The following MICAL1 variants were observed in gnomAD, a reference collection of about 807,000 sequenced individuals.
MICAL1 encodes the protein microtubule associated monooxygenase, calponin and LIM domain containing 1, also known as [F-actin]-monooxygenase MICAL1.
A neutral mutation model predicts 131.8 loss-of-function variants in MICAL1; 95 were observed. That is an observed-to-expected ratio of 0.72 (90% CI 0.61 to 0.86). The LOEUF (loss-of-function observed/expected upper bound fraction) is 0.86, where lower values mean the gene tolerates loss of function less well. Among genes scored for constraint, MICAL1 ranks in the 40% least tolerant of loss-of-function variants. The probability of loss-of-function intolerance (pLI) is 0.00; values close to 1 mark genes in which losing one functional copy is unlikely to be tolerated. For missense variants in MICAL1, 1,292 were observed against 1,380.6 expected, an observed-to-expected ratio of 0.94 and a Z score of 1.02; for synonymous variants, 546 against 554.2, an observed-to-expected ratio of 0.99 and a Z score of 0.21.
Position 109,445,405 on chromosome 6 carries a change from C to T in MICAL1, c.2787+11G>A. The T allele has an allele frequency of 6.2e-7, 1 of 1,613,940 alleles. No homozygotes were observed. Among genetic ancestry groups the T allele is most frequent in the South Asian group, 1.1e-5 (1 of 91,080 alleles). On this transcript the variant is annotated intron_variant, in intron 21 of 24. Transcript: ENST00000358807. ...GACCCCATCAGAATTTTGGGAACCCCCGGGCTTCACCTGGGCCTTGCAGAA... is the reference window on the plus strand; with the variant it reads ...GACCCCATCAGAATTTTGGGAACCCTCGGGCTTCACCTGGGCCTTGCAGAA...
In MICAL1 at chr6:109,451,620, G is replaced by A. The variant is rs372323289; in HGVS notation, c.913C>T (p.Arg305Trp). Residue 305 changes from arginine (R) to tryptophan (W), a missense_variant, in exon 7 of 25, where the codon CGG (arginine) becomes TGG (tryptophan). Arg to Trp is a moderately radical substitution (Grantham distance 101). Coordinates refer to ENST00000358807, the MANE Select transcript of MICAL1 (RefSeq NM_022765.4). ...CTCACCTGGCGCAGCACCCCCAGCC[G>A]CAGCAGGCACTGCTTCTTGGCTGTC... ...VMTAKKQCLL[R>W]LGVLRQDWPD... 29 of 1,613,842 alleles carry A rather than the reference G, an allele frequency of 1.8e-5. No homozygotes were observed. Among genetic ancestry groups the A allele is most frequent in the African/African-American group, 1.2e-4 (9 of 74,936 alleles).
At chr6:109,460,523 T>TACATACAC (rs1775859240), upstream of MICAL1, among the ~76,000 whole-genome samples, 3 of 147,678 alleles carry the variant, frequency 2.0e-5, no homozygotes, top group Non-Finnish European at 4.5e-5. Flanking sequence ...TATATATAAA[T>TACATACAC]ACACACACAC....
intron 12 of MICAL1, 139 bp from the exon 13 acceptor site, chr6:109,448,532 T>C (rs1775352375): frequency 8.8e-6 from 11 of 1,256,280 alleles, no homozygotes; most frequent in Non-Finnish European, 1.2e-5. Flanking sequence ...TAGTCTCTGC[T>C]ACCCAGTGCC....
chr6:109,447,289 C>T (rs565608844), intron 16 of MICAL1, 60 bp from the exon 17 acceptor site: 25 of 1,613,838 alleles, frequency 1.5e-5, no homozygotes, highest in Non-Finnish European at 2.1e-5. Context: ...AAAGTTCTTT[C>T]CCTCCCATGA....
At chr6:109,449,218 C>G (rs1208130092) in intron 11 of MICAL1, 182 bp downstream of exon 11, 37 of 743,330 alleles carry the variant, frequency 5.0e-5, no homozygotes, top group Non-Finnish European at 7.6e-5. Context: ...TGGCAGCCAA[C>G]TGCTGCCTGT....
exon 1 of MICAL1, chr6:109,465,898 T>C (rs1047223806): frequency 1.2e-6 from 2 of 1,613,882 alleles, no homozygotes; most frequent in Non-Finnish European, 1.7e-6. Flanking sequence ...ACGTGGTGAG[T>C]GGGTGGTGGC....
chr6:109,449,294 C>T (rs577799866), intron 11 of MICAL1, 106 bp downstream of exon 11: 55 of 1,239,070 alleles, frequency 4.4e-5, no homozygotes, highest in Admixed American at 8.6e-5. Flanking sequence ...ATGAGTGCTC[C>T]GGCACGCTGC....
Position 109,445,542 on chromosome 6 carries a change from C to A in MICAL1, c.2674-13G>T. ...AGGTCTGCAGGGCCTATAGGAGGGT[C>A]AGGCCAGTCAGGGATAGGGCCTGGG... On this transcript the variant is annotated splice_polypyrimidine_tract_variant and intron_variant, in intron 20 of 24. Transcript: ENST00000358807. 1 of 1,613,582 alleles carries A rather than the reference C, an allele frequency of 6.2e-7. No individual in the cohort carries two copies. The highest frequency in any genetic ancestry group is 1.1e-5 in the South Asian group (1 of 91,020).
At position 109,448,304 on chromosome 6, in the gene MICAL1, A is replaced by G. The variant is rs1775340934; in HGVS notation, c.1754T>C (p.Val585Ala). Reference sequence around the variant, plus strand: ...TGCTACCACGGCCTGTGCAGACACCACCGGTGTGATGCCCAGCTCATTCTC... The same window carrying G: ...TGCTACCACGGCCTGTGCAGACACCGCCGGTGTGATGCCCAGCTCATTCTC... ...VAENELGITP[V>A]VSAQAVVAGS... The change falls in exon 13 of 25, where the codon GTG becomes GCG. Residue 585 changes from valine (V) to alanine (A), a missense_variant. Coordinates refer to ENST00000358807, the MANE Select transcript of MICAL1 (RefSeq NM_022765.4). 1 of 1,613,846 alleles carries G rather than the reference A, an allele frequency of 6.2e-7. No individual in the cohort carries two copies. The highest frequency in any genetic ancestry group is 1.7e-5 in the Admixed American group (1 of 60,004).
rs1270638408 is a variant in MICAL1 at position 109,450,525 on chromosome 6, A to T, written c.966T>A (p.Ser322Arg). The T allele has an allele frequency of 1.2e-6, 2 of 1,611,584 alleles. No individual in the cohort carries two copies. Among genetic ancestry groups the T allele is most frequent in the African/African-American group, 1.3e-5 (1 of 75,034 alleles). Reference protein sequence around the residue: ...DWPDTNRLLGSANVVPEALQR... With the variant: ...DWPDTNRLLGRANVVPEALQR... ...GCAGAGCCTCGGGCACCACATTGGC[A>T]CTGCCCAGCAGCCGATTGGTGTCTG... The change falls in exon 8 of 25, where the codon AGT becomes AGA. Residue 322 changes from serine to arginine, a missense_variant. Transcript: ENST00000358807.
chr6:109,450,410 C>T lies in MICAL1; in HGVS notation c.1081G>A (p.Val361Ile). The change falls in exon 8 of 25, where the codon GTC (valine) becomes ATC (isoleucine). Residue 361 changes from valine to isoleucine, a missense_variant. Physicochemically the swap from Val to Ile is conservative, Grantham distance 29. Transcript: ENST00000358807. ...ATGCTCGTGAAGTCAAAGGCAGAGA[C>T]ATCAGGCTGCCCATGGGCATCCTGG... ...FAQDAHGQPD[V>I]SAFDFTSMMR... The T allele has an allele frequency of 6.2e-7, 1 of 1,613,592 alleles. No individual in the cohort carries two copies.
chr6:109,462,882 C>T (rs572792955), intron 1 of MICAL1: 1 of 152,342 alleles, frequency 6.6e-6, no homozygotes, highest in East Asian at 1.9e-4. Context: ...AAATGGTACA[C>T]ATTTAGTAGA....
In MICAL1 at chr6:109,455,720, G is replaced by A. The variant is rs1045026939; in HGVS notation, c.-45C>T. On this transcript the variant is annotated splice_region_variant and 5_prime_UTR_variant, in exon 1 of 25. Coordinates refer to ENST00000358807, the MANE Select transcript of MICAL1 (RefSeq NM_022765.4). The surrounding 1 kb of genome is among the most constrained non-coding windows in gnomAD (Gnocchi z 4.7). ...AGCCGGCTCCGCTGGACGACTTACCGGCGGCTCCGAAGCCGGGAGGGGCCG... is the reference window on the plus strand; with the variant it reads ...AGCCGGCTCCGCTGGACGACTTACCAGCGGCTCCGAAGCCGGGAGGGGCCG... 10 of 983,874 alleles carry A rather than the reference G, an allele frequency of 1.0e-5. No individual in the cohort carries two copies. Among genetic ancestry groups the A allele is most frequent in the African/African-American group, 3.5e-5 (2 of 56,462 alleles). The allele number at this position is 983,874 out of a possible 1,614,324, so 60.9% of individuals were successfully genotyped here.
chr6:109,455,451 C>T lies in MICAL1; in HGVS notation c.-44+268G>A, dbSNP rs1156866740. ...GAAAGGGGAGAAAGGAGCGACCCAG[C>T]CTGGAAACGCCAGGACAAAGGCTGT... On this transcript the variant is annotated intron_variant, in intron 1 of 24. Transcript: ENST00000358807. This position sits in a 1 kb window ranked among gnomAD's most constrained non-coding sequence, Gnocchi z 4.7. 2.4e-4 allele frequency among the ~76,000 whole-genome samples: 36 copies of T among 152,266 alleles called. No homozygotes were observed. The highest frequency in any genetic ancestry group is 1.5e-5 in the Non-Finnish European group (1 of 68,018).
Position 109,454,114 on chromosome 6 carries a change from C to T in MICAL1, c.83G>A (p.Ser28Asn), listed in dbSNP as rs941567539. 6.2e-7 allele frequency: 1 copy of T among 1,613,756 alleles called. No individual in the cohort carries two copies. The highest frequency in any genetic ancestry group is 1.3e-5 in the African/African-American group (1 of 75,062). ...LQAQLCQDVLSSFQELCGALG... is the reference protein window; with the variant it reads ...LQAQLCQDVLNSFQELCGALG... ...GGCCCCACACAGCTCCTGGAAGCTG[C>T]TCAGCACGTCCTGGCACAGCTGGGC... The change falls in exon 2 of 25, where the codon AGC becomes AAC. Residue 28 changes from serine (S) to asparagine (N), a missense_variant. Transcript: ENST00000358807.
chr6:109,453,223 T>C (rs776536531), intron 4 of MICAL1, 40 bp downstream of exon 4: 2 of 1,527,754 alleles, frequency 1.3e-6, no homozygotes, highest in East Asian at 2.3e-5. Context: ...AAGTTCTTGA[T>C]GGGGGAGGGG....
In MICAL1 at chr6:109,454,257, G is replaced by A. The variant is rs1562294224; in HGVS notation, c.-43-18C>T. On this transcript the variant is annotated intron_variant, in intron 1 of 24. Coordinates refer to ENST00000358807, the MANE Select transcript of MICAL1 (RefSeq NM_022765.4). ...ATGAGTGGCTGGAGAGGTGGAAAAA[G>A]AAGGGGAAGAGGCTGGAGAACAGAA... The A allele has an allele frequency of 1.3e-6, 2 of 1,537,524 alleles. No individual in the cohort carries two copies.
chr6:109,455,823 G>C, upstream of MICAL1: 2 of 985,526 alleles, frequency 2.0e-6, no homozygotes, highest in Non-Finnish European at 2.4e-6. This position sits in a 1 kb window ranked among gnomAD's most constrained non-coding sequence, Gnocchi z 4.7. Context: ...GCCGAGATCG[G>C]GCGGGGATGC....
Position 109,450,359 on chromosome 6 carries a change from C to A in MICAL1, c.1132G>T (p.Val378Leu), listed in dbSNP as rs528182540. ...AGGCGGGCGCCATGCTTCTCTTGCACACGAGCAGAACTCTCTGCCCGCATC... is the reference window on the plus strand; with the variant it reads ...AGGCGGGCGCCATGCTTCTCTTGCAAACGAGCAGAACTCTCTGCCCGCATC... Reference protein sequence around the residue: ...SMMRAESSARVQEKHGARLLL... With the variant: ...SMMRAESSARLQEKHGARLLL... Residue 378 changes from valine to leucine, a missense_variant, in exon 8 of 25, where the codon GTG (valine) becomes TTG (leucine). By Grantham distance (32) the Val-to-Leu change is conservative (BLOSUM62 1). Transcript: ENST00000358807. 1 of 1,611,818 alleles carries A rather than the reference C, an allele frequency of 6.2e-7. No individual in the cohort carries two copies. The highest frequency in any genetic ancestry group is 2.2e-5 in the East Asian group (1 of 44,794).
Sources: gnomAD v4.1 joint callset for allele counts (sites outside exome capture counted in the v4.1 genomes callset) on GRCh38, gnomAD v4.1.1 for gene constraint, Gnocchi (gnomAD v3.1) non-coding constraint, MANE v1.5 for transcripts, NCBI Gene and HGNC (gene_info 2026-07-23, HGNC 2026-07-21) for gene names.